KCNMB2: variants seen among roughly 807,000 people sequenced by gnomAD.
KCNMB2 encodes the protein potassium calcium-activated channel subfamily M regulatory beta subunit 2, also known as calcium-activated potassium channel subunit beta-2.
A neutral mutation model predicts 24.5 loss-of-function variants in KCNMB2; 9 were observed. That is an observed-to-expected ratio of 0.37 (90% CI 0.22 to 0.64). KCNMB2 has a LOEUF of 0.64. Among genes scored for constraint, KCNMB2 ranks in the 30% least tolerant of loss-of-function variants. The pLI is 0.63. For synonymous variants in KCNMB2, 109 were observed against 104.4 expected (o/e 1.04, Z -0.27); for missense variants, 226 against 284.3 (o/e 0.79, Z 1.47).
intron 1 of KCNMB2, among the ~76,000 whole-genome samples, chr3:178,774,323 G>A (rs1365017750): frequency 6.6e-6 from 1 of 150,670 alleles, no homozygotes; most frequent in East Asian, 1.9e-4. Flanking sequence ...GGTGAAAAAA[G>A]AAAGAAAGAA....
intron 1 of KCNMB2, among the ~76,000 whole-genome samples, chr3:178,540,949 A>G (rs1471248101): frequency 6.6e-6 from 1 of 152,198 alleles, no homozygotes; most frequent in Non-Finnish European, 1.5e-5. Flanking sequence ...CTTATGTAGT[A>G]GGCACTTAAT....
In KCNMB2 at chr3:178,828,925, C is replaced by CTGTGAG. The variant is rs1179869572; in HGVS notation, c.423+556_423+557insAGTGTG. 8.7e-3 allele frequency among the ~76,000 whole-genome samples: 1,236 copies of CTGTGAG among 142,824 alleles called. 19 individuals carry two copies. Among genetic ancestry groups the CTGTGAG allele is most frequent in the African/African-American group, 0.025 (974 of 38,420 alleles). 93.7% of individuals were successfully genotyped at this position (142,824 alleles called of 152,430 possible). On this transcript the variant is annotated intron_variant, in intron 4 of 4. Coordinates refer to ENST00000452583, the MANE Select transcript of KCNMB2 (RefSeq NM_181361.3). ...GCATGCTACTTTCAACCCATGGTCA[C>CTGTGAG]TGTGTGTGTGTGTGTGTGTGTGTGT...
chr3:178,821,439 A>G (rs1398743561), intron 2 of KCNMB2, among the ~76,000 whole-genome samples: 1 of 152,172 alleles, frequency 6.6e-6, no homozygotes, highest in Non-Finnish European at 1.5e-5. Context: ...TTGGACATGC[A>G]AAAAACCAAA....
intron 1 of KCNMB2, among the ~76,000 whole-genome samples, chr3:178,557,570 C>A (rs984964785): frequency 6.6e-6 from 1 of 152,164 alleles, no homozygotes; most frequent in African/African-American, 2.4e-5. Flanking sequence ...TTTATTCTCT[C>A]TACCCTTATT....
At position 178,665,136 on chromosome 3, in the gene KCNMB2, T is replaced by A. The variant is rs1437119970; in HGVS notation, c.-68+128425T>A. Reference sequence around the variant, plus strand: ...TGCTGACAGACAAGTTTAAGAGGAATCTTTTCATGTGATTATTTAAACAAA... The same window carrying A: ...TGCTGACAGACAAGTTTAAGAGGAAACTTTTCATGTGATTATTTAAACAAA... On this transcript the variant is annotated intron_variant, in intron 1 of 4. Transcript: ENST00000452583. Among the ~76,000 whole-genome samples, 3 of 152,232 alleles carry A rather than the reference T, an allele frequency of 2.0e-5. No homozygotes were observed. The East Asian group carries it at 5.8e-4, about 29-fold the overall frequency.
intron 4 of KCNMB2, among the ~76,000 whole-genome samples, chr3:178,831,579 G>A (rs985375487): frequency 4.6e-5 from 7 of 152,274 alleles, no homozygotes; most frequent in African/African-American, 1.7e-4. Flanking sequence ...GAAAAAGAAT[G>A]AGATCATGTC....
chr3:178,724,108 T>A (rs1179492434), intron 1 of KCNMB2, among the ~76,000 whole-genome samples: 1 of 152,198 alleles, frequency 6.6e-6, no homozygotes, highest in Non-Finnish European at 1.5e-5. Context: ...ACTGACAGTG[T>A]ATAAGTATTC....
intron 1 of KCNMB2, among the ~76,000 whole-genome samples, chr3:178,806,833 C>A (rs1713990328): frequency 6.6e-6 from 1 of 152,124 alleles, no homozygotes; most frequent in Non-Finnish European, 1.5e-5. Flanking sequence ...GACTCAACTG[C>A]CATGGGCAGA....
intron 1 of KCNMB2, among the ~76,000 whole-genome samples, chr3:178,668,355 G>T (rs1720790099): frequency 6.6e-6 from 1 of 152,150 alleles, no homozygotes; most frequent in Admixed American, 6.6e-5. Flanking sequence ...GCTTAAGTGT[G>T]TATTGAATAC....
Position 178,836,794 on chromosome 3 carries a change from C to T in KCNMB2, c.424-5859C>T, listed in dbSNP as rs1242731783. Among the ~76,000 whole-genome samples, 8 of 152,002 alleles carry T rather than the reference C, an allele frequency of 5.3e-5. No homozygotes were observed. The South Asian group carries it at 1.5e-3, about 28-fold the overall frequency. On this transcript the variant is annotated intron_variant, in intron 4 of 4. Coordinates refer to ENST00000452583, the MANE Select transcript of KCNMB2 (RefSeq NM_181361.3). ...TAAAAGCTAAATCTTCCCGTTCCCA[C>T]ACCTCCCACCAAAAAAGAGAGATCT...
intron 1 of KCNMB2, among the ~76,000 whole-genome samples, chr3:178,713,975 C>G (rs1217506683): frequency 6.6e-6 from 1 of 152,120 alleles, no homozygotes; most frequent in Middle Eastern, 3.2e-3. Context: ...AAAAATTCTG[C>G]TTGCATATAA....
intron 1 of KCNMB2, among the ~76,000 whole-genome samples, chr3:178,640,163 G>A (rs181643557): frequency 3.3e-5 from 5 of 152,116 alleles, no homozygotes; most frequent in Non-Finnish European, 5.9e-5. Flanking sequence ...GGCACAAGAC[G>A]CTACTATCTC....
intron 1 of KCNMB2, among the ~76,000 whole-genome samples, chr3:178,655,355 G>A (rs1308116478): frequency 6.6e-6 from 1 of 152,102 alleles, no homozygotes. Context: ...AATCACAGGT[G>A]AAAAATTTAG....
At chr3:178,767,070 G>A (rs897659033) in intron 1 of KCNMB2, among the ~76,000 whole-genome samples, 3 of 152,172 alleles carry the variant, frequency 2.0e-5, no homozygotes, top group Non-Finnish European at 4.4e-5. Flanking sequence ...AGGCCAGAGA[G>A]GGTACTAAAT....
At chr3:178,683,777 C>A (rs1417233011) in intron 1 of KCNMB2, among the ~76,000 whole-genome samples, 3 of 152,176 alleles carry the variant, frequency 2.0e-5, no homozygotes, top group African/African-American at 4.8e-5. Context: ...AAACACTCAT[C>A]TGCCTGGTTA....
chr3:178,604,894 A>G (rs1225504497), intron 1 of KCNMB2, among the ~76,000 whole-genome samples: 1 of 152,212 alleles, frequency 6.6e-6, no homozygotes, highest in African/African-American at 2.4e-5. Flanking sequence ...GGCTAGCCTA[A>G]GAATTCTGAA....
chr3:178,628,290 T>C (rs895536389), intron 1 of KCNMB2, among the ~76,000 whole-genome samples: 1 of 152,310 alleles, frequency 6.6e-6, no homozygotes, highest in Non-Finnish European at 1.5e-5. Context: ...TTTTCCTCTG[T>C]GAATACCAGA....
At chr3:178,827,937 G>A (rs1714896617) in intron 3 of KCNMB2, among the ~76,000 whole-genome samples, 1 of 152,200 alleles carries the variant, frequency 6.6e-6, no homozygotes, top group East Asian at 1.9e-4. Context: ...TCAAGCACTG[G>A]AGAATACCAT....
At chr3:178,630,038 A>G (rs1294909435) in intron 1 of KCNMB2, among the ~76,000 whole-genome samples, 1 of 152,228 alleles carries the variant, frequency 6.6e-6, no homozygotes, top group African/African-American at 2.4e-5. Context: ...ATGAATCTCC[A>G]GTGCTAAAGG....
Sources: gnomAD v4.1 joint callset for allele counts (sites outside exome capture counted in the v4.1 genomes callset) on GRCh38, gnomAD v4.1.1 for gene constraint, MANE v1.5 for transcripts, NCBI Gene and HGNC (gene_info 2026-07-23, HGNC 2026-07-21) for gene names.